Variants in ABCB7 observed in about 807,000 individuals in gnomAD.
The protein encoded by ABCB7 is ATP binding cassette subfamily B member 7, also known as iron-sulfur clusters transporter ABCB7, mitochondrial.
Under a neutral mutation model 54.4 loss-of-function variants are expected in ABCB7, and 7 were observed. The ratio of observed to expected loss-of-function variants is 0.13; its 90% CI spans 0.07 to 0.24. ABCB7 has a LOEUF of 0.24. Among genes scored for constraint, ABCB7 ranks in the 10% least tolerant of loss-of-function variants. ABCB7 has a pLI of 1.00. For missense variants in ABCB7, 356 were observed against 570.4 expected, an observed-to-expected ratio of 0.62 and a Z score of 3.83; for synonymous variants, 218 against 207.1, an observed-to-expected ratio of 1.05 and a Z score of -0.45.
intron 1 of ABCB7, among the ~76,000 whole-genome samples, chrX:75,155,314 C>T (rs958951669): frequency 8.9e-6 from 1 of 112,582 alleles, no homozygotes; most frequent in African/African-American, 3.2e-5. Context: ...GTGATAAATA[C>T]GTGGTGGCAA....
At chrX:75,116,173 T>C (rs990437493) in intron 1 of ABCB7, among the ~76,000 whole-genome samples, 1 of 111,287 alleles carries the variant, frequency 9.0e-6, no homozygotes, top group East Asian at 2.8e-4. Context: ...GCTTGCGACC[T>C]GAAAGCTTCA....
chrX:75,128,384 C>T (rs1035440995), intron 1 of ABCB7, among the ~76,000 whole-genome samples: 84 of 111,659 alleles, frequency 7.5e-4, no homozygotes, highest in Admixed American at 2.4e-3. Context: ...GTTGGAAAAA[C>T]TGGCTAGCCA....
chrX:75,076,370 T>C (rs946756787), intron 5 of ABCB7, 152 bp downstream of exon 5: 5 of 724,641 alleles, frequency 6.9e-6, no homozygotes, highest in Non-Finnish European at 1.0e-5. Context: ...TACAGAATAG[T>C]TTTTAAAAAC....
chrX:75,066,893 G>C (rs1438180327), intron 12 of ABCB7, among the ~76,000 whole-genome samples: 1 of 111,363 alleles, frequency 9.0e-6, no homozygotes, highest in African/African-American at 3.3e-5. Flanking sequence ...ATGGCTGCAT[G>C]ACTCTGATCC....
At chrX:75,119,117 G>A (rs1363111217) in intron 1 of ABCB7, among the ~76,000 whole-genome samples, 1 of 112,296 alleles carries the variant, frequency 8.9e-6, no homozygotes, top group Non-Finnish European at 1.9e-5. Flanking sequence ...CATTTTGTCA[G>A]AAAAGTAAAA....
At chrX:75,104,206 G>A (rs188860826) in intron 3 of ABCB7, among the ~76,000 whole-genome samples, 1 of 104,812 alleles carries the variant, frequency 9.5e-6, no homozygotes, top group Admixed American at 1.1e-4. Flanking sequence ...ATTATGAAGA[G>A]ATTTTGAATT....
chrX:75,126,817 A>G lies in ABCB7; in HGVS notation c.169-11986T>C, dbSNP rs1377472298. 1.8e-5 allele frequency among the ~76,000 whole-genome samples: 2 copies of G among 111,929 alleles called. 1 individual carries two copies. Among genetic ancestry groups the G allele is most frequent in the Admixed American group, 1.9e-4 (2 of 10,570 alleles). ...AAACCAGAAAATCTAGAAGAAATGG[A>G]TAAAATCCTGGACACATGCACCCTC... On this transcript the variant is annotated intron_variant, in intron 1 of 15. Transcript: ENST00000373394.
chrX:75,074,045 A>C, intron 6 of ABCB7, 89 bp from the exon 7 acceptor site: 1 of 758,868 alleles, frequency 1.3e-6, no homozygotes, highest in Non-Finnish European at 2.0e-6. Context: ...CTCGGTCAAA[A>C]GATTTTAACA....
intron 3 of ABCB7, among the ~76,000 whole-genome samples, chrX:75,112,402 C>G (rs1157505912): frequency 1.8e-5 from 2 of 111,512 alleles, no homozygotes. Flanking sequence ...AACAGCCCTA[C>G]TGCTTAGCAT....
chrX:75,125,321 C>A (rs1350575803), intron 1 of ABCB7, among the ~76,000 whole-genome samples: 1 of 111,315 alleles, frequency 9.0e-6, no homozygotes, highest in African/African-American at 3.3e-5. Flanking sequence ...TAACACAAAC[C>A]CAACTCTAGG....
chrX:75,154,041 C>T (rs1373575265), intron 1 of ABCB7, among the ~76,000 whole-genome samples: 2 of 109,597 alleles, frequency 1.8e-5, no homozygotes, highest in African/African-American at 3.3e-5. Flanking sequence ...TTGCAGGTAC[C>T]TCAGGTTACC....
At chrX:75,089,204 A>C (rs1229747243) in intron 4 of ABCB7, among the ~76,000 whole-genome samples, 1 of 111,981 alleles carries the variant, frequency 8.9e-6, no homozygotes, top group Non-Finnish European at 1.9e-5. Context: ...TTTTCCAGAG[A>C]GAATGCAAAT....
intron 4 of ABCB7, among the ~76,000 whole-genome samples, chrX:75,084,628 C>G (rs182769264): frequency 7.2e-5 from 8 of 111,331 alleles, no homozygotes; most frequent in Non-Finnish European, 5.7e-5. Context: ...AAATAATAAA[C>G]TGAAATTTAT....
At chrX:75,100,274 C>T (rs1169111358) in intron 3 of ABCB7, among the ~76,000 whole-genome samples, 1 of 110,582 alleles carries the variant, frequency 9.0e-6, no homozygotes, top group African/African-American at 3.3e-5. Context: ...GTTCACCCTG[C>T]AATCAGATTT....
chrX:75,134,816 C>G (rs2081998271), intron 1 of ABCB7, among the ~76,000 whole-genome samples: 1 of 111,542 alleles, frequency 9.0e-6, no homozygotes. Flanking sequence ...CTCTGAGACA[C>G]AACTAACGCA....
chrX:75,129,289 C>T (rs1221010473), intron 1 of ABCB7, among the ~76,000 whole-genome samples: 2 of 111,131 alleles, frequency 1.8e-5, no homozygotes, highest in Non-Finnish European at 3.8e-5. Flanking sequence ...AGTTAATGTC[C>T]TTTGCAGGGA....
chrX:75,062,385 G>A lies in ABCB7; in HGVS notation c.1878C>T (p.Asp626=). ...CTTCATCATAGAGTATGACTGGGGGGTCCTTCAAAATGGCTCTTGCAATTG... is the reference window on the plus strand; with the variant it reads ...CTTCATCATAGAGTATGACTGGGGGATCCTTCAAAATGGCTCTTGCAATTG... ...RVAIARAILK[D]PPVILYDEAT... is the part of the protein sequence containing the mutation. Residue 626 remains aspartate (D), a synonymous_variant, in exon 14 of 16, where the codon GAC becomes GAT. Coordinates refer to ENST00000373394, the MANE Select transcript of ABCB7 (RefSeq NM_001271696.3). 2 of 1,210,770 alleles carry A rather than the reference G, an allele frequency of 1.7e-6. No individual in the cohort carries two copies. The highest frequency in any genetic ancestry group is 1.8e-5 in the South Asian group (1 of 56,965).
chrX:75,065,286 C>A (rs749053154), intron 12 of ABCB7, 45 bp from the exon 13 acceptor site: 14 of 1,039,263 alleles, frequency 1.3e-5, no homozygotes, highest in Non-Finnish European at 1.6e-5. Flanking sequence ...ATCTATATAT[C>A]TCTCTCTATT....
At position 75,064,970 on chromosome X, in the gene ABCB7, C is replaced by A. The variant is rs896448793; in HGVS notation, c.1831+100G>T. The A allele has an allele frequency of 9.2e-6, 9 of 977,215 alleles. No individual in the cohort carries two copies. In the African/African-American group the frequency reaches 1.7e-4, roughly 19 times the overall value. The allele number at this position is 977,215 out of a possible 1,213,427, so 80.5% of individuals were successfully genotyped here. ...ATCAAATGTGACTCAACGAGCACTA[C>A]ATTTGAAGTCTCTCATTACATTTTC... On this transcript the variant is annotated intron_variant, in intron 13 of 15. Coordinates refer to ENST00000373394, the MANE Select transcript of ABCB7 (RefSeq NM_001271696.3).
Sources: allele counts gnomAD v4.1 joint callset (sites outside exome capture counted in the v4.1 genomes callset), GRCh38; gene constraint gnomAD v4.1.1; transcripts MANE v1.5; gene names NCBI Gene and HGNC (gene_info 2026-07-23, HGNC 2026-07-21).